The following OLFML2B variants were observed in gnomAD, a reference collection of about 807,000 sequenced individuals.
The protein encoded by OLFML2B is olfactomedin like 2B, also known as olfactomedin-like protein 2B.
In OLFML2B, 57 loss-of-function variants were observed where a neutral mutation model predicts 74.9. That is an observed-to-expected ratio of 0.76 (90% confidence interval 0.61 to 0.95). The LOEUF (loss-of-function observed/expected upper bound fraction) is 0.95. Among genes scored for constraint, OLFML2B ranks in the 40% least tolerant of loss-of-function variants. OLFML2B has a pLI of 0.00. For synonymous variants in OLFML2B, 388 were observed against 405.8 expected (o/e 0.96, Z 0.53); for missense variants, 986 against 970.6 (o/e 1.02, Z -0.21).
intron 2 of OLFML2B, 74 bp downstream of exon 2, chr1:162,019,845 A>G: frequency 6.4e-7 from 1 of 1,551,940 alleles, no homozygotes; most frequent in Non-Finnish European, 8.7e-7. Context: ...AGAATCTTCA[A>G]CCATGGCCTT....
In OLFML2B at chr1:161,997,945, C is replaced by T. The variant is rs1198428271; in HGVS notation, c.1354G>A (p.Val452Met). 1.9e-6 allele frequency: 3 copies of T among 1,614,222 alleles called. No homozygotes were observed. The highest frequency in any genetic ancestry group is 2.5e-6 in the Non-Finnish European group (3 of 1,180,042). The change falls in exon 6 of 8, where the codon GTG becomes ATG. Residue 452 changes from valine to methionine, a missense_variant. Transcript: ENST00000294794. ...TCTGTTCTGACTGTGGTGGGAGGCA[C>T]TGGGACTGTGTGCATAGCTTCCATC... ...ALMEAMHTVPVPPTTVRTDSL... is the reference protein window; with the variant it reads ...ALMEAMHTVPMPPTTVRTDSL...
chr1:162,005,689 C>G (rs1690203848), intron 4 of OLFML2B, among the ~76,000 whole-genome samples: 1 of 152,032 alleles, frequency 6.6e-6, no homozygotes, highest in Admixed American at 6.5e-5. Flanking sequence ...GCCAGGAGTT[C>G]CAGACCAGCC....
intron 1 of OLFML2B, among the ~76,000 whole-genome samples, chr1:162,022,123 A>G (rs1369920017): frequency 6.6e-6 from 1 of 152,010 alleles, no homozygotes; most frequent in African/African-American, 2.4e-5. Context: ...GACACCCACC[A>G]CACGTCATCA....
At chr1:161,999,436 A>C (rs1215758327) in intron 5 of OLFML2B, among the ~76,000 whole-genome samples, 3 of 152,202 alleles carry the variant, frequency 2.0e-5, no homozygotes, top group African/African-American at 7.2e-5. Flanking sequence ...GGTGGAGAAT[A>C]AACATGGTGG....
Position 162,023,414 on chromosome 1 carries a change from A to G in OLFML2B, c.17T>C (p.Leu6Pro). The change falls in exon 1 of 8, where the codon CTG becomes CCG. Residue 6 changes from leucine (L) to proline (P), a missense_variant. Leu to Pro is a moderately conservative substitution (Grantham distance 98, BLOSUM62 -3). Transcript: ENST00000294794. The part of the protein sequence containing the change: MAKPR[L>P]LVLYFALIVV... ...AATCAGAGCGAAGTAGAGAACTAGCAGCCGAGGCTTGGCCATGAGGGGCGC... is the reference window on the plus strand; with the variant it reads ...AATCAGAGCGAAGTAGAGAACTAGCGGCCGAGGCTTGGCCATGAGGGGCGC... 1.9e-6 allele frequency: 3 copies of G among 1,573,418 alleles called. No individual in the cohort carries two copies. Among genetic ancestry groups the G allele is most frequent in the Non-Finnish European group, 2.6e-6 (3 of 1,156,146 alleles).
intron 6 of OLFML2B, among the ~76,000 whole-genome samples, chr1:161,988,998 C>T (rs1689663625): frequency 6.6e-6 from 1 of 152,214 alleles, no homozygotes; most frequent in South Asian, 2.1e-4. Context: ...TTTCCCTTCA[C>T]CCACATTCCA....
chr1:162,022,526 G>A (rs1038973606), intron 1 of OLFML2B, among the ~76,000 whole-genome samples: 4 of 152,100 alleles, frequency 2.6e-5, no homozygotes, highest in Non-Finnish European at 5.9e-5. Flanking sequence ...TGGGATTACA[G>A]GCGTGAGCCA....
At chr1:162,011,685 C>T (rs777609026) in intron 3 of OLFML2B, among the ~76,000 whole-genome samples, 5 of 152,206 alleles carry the variant, frequency 3.3e-5, no homozygotes, top group Admixed American at 6.5e-5. Flanking sequence ...TGGACCAGGG[C>T]CTGGGAAACA....
intron 4 of OLFML2B, among the ~76,000 whole-genome samples, chr1:162,003,720 A>G (rs1334551428): frequency 6.6e-6 from 1 of 152,136 alleles, no homozygotes; most frequent in Non-Finnish European, 1.5e-5. Context: ...GGCAAGGACC[A>G]TCTTAGAGAG....
chr1:162,006,509 AC>A (rs1476772484), intron 3 of OLFML2B, 36 bp from the exon 4 acceptor site: 1 of 1,504,004 alleles, frequency 6.6e-7, no homozygotes, highest in Non-Finnish European at 8.9e-7. Flanking sequence ...CCATTAAAGC[AC>A]CCTGAAGACA....
intron 3 of OLFML2B, among the ~76,000 whole-genome samples, 166 bp downstream of exon 3, chr1:162,017,234 A>G (rs1424954582): frequency 6.6e-6 from 1 of 152,260 alleles, no homozygotes; most frequent in East Asian, 1.9e-4. Context: ...GTCACCAACA[A>G]TTTGGCATAA....
chr1:162,015,688 G>A (rs1362787110), intron 3 of OLFML2B, among the ~76,000 whole-genome samples: 1 of 152,182 alleles, frequency 6.6e-6, no homozygotes, highest in Non-Finnish European at 1.5e-5. Flanking sequence ...TAACTAGGAG[G>A]AAGAGTCCGA....
At chr1:162,011,319 A>G (rs1271835799) in intron 3 of OLFML2B, among the ~76,000 whole-genome samples, 1 of 152,116 alleles carries the variant, frequency 6.6e-6, no homozygotes. Flanking sequence ...ATAGTTTCTC[A>G]TGGGAGTGAC....
intron 2 of OLFML2B, 67 bp downstream of exon 2, chr1:162,019,852 C>A: frequency 1.9e-6 from 3 of 1,566,768 alleles, no homozygotes; most frequent in Non-Finnish European, 2.6e-6. Context: ...TCAACCATGG[C>A]CTTACCAGAC....
At position 161,983,973 on chromosome 1, in the gene OLFML2B, T is replaced by C. The variant is rs141191222; in HGVS notation, c.1955A>G (p.Asn652Ser). The change falls in exon 8 of 8, where the codon AAT becomes AGT. Residue 652 changes from asparagine to serine, a missense_variant. Coordinates refer to ENST00000294794, the MANE Select transcript of OLFML2B (RefSeq NM_015441.3). ...CTTCTGTGTGCTCAGGTCCGCGGCA[T>C]TGAGCTTGCTCAGGACAATGACCTC... ...SQEVIVLSKL[N>S]AADLSTQKET... is the part of the protein sequence containing the mutation. The C allele has an allele frequency of 8.2e-5, 132 of 1,614,096 alleles. No individual in the cohort carries two copies. Among genetic ancestry groups the C allele is most frequent in the Middle Eastern group, 1.6e-4 (1 of 6,084 alleles).
chr1:161,985,202 C>A, intron 6 of OLFML2B: 1 of 473,306 alleles, frequency 2.1e-6, no homozygotes, highest in Non-Finnish European at 3.8e-6. Flanking sequence ...TCTTTGGCAA[C>A]TTTCACACCA....
intron 3 of OLFML2B, among the ~76,000 whole-genome samples, chr1:162,009,968 G>T (rs1025974507): frequency 1.3e-5 from 2 of 152,228 alleles, no homozygotes; most frequent in African/African-American, 4.8e-5. Flanking sequence ...CTTCCCCCTG[G>T]GACAGCTGCA....
chr1:162,017,648 T>C (rs925058201), intron 2 of OLFML2B, 141 bp from the exon 3 acceptor site: 13 of 606,724 alleles, frequency 2.1e-5, no homozygotes, highest in Non-Finnish European at 3.4e-5. Flanking sequence ...AACACATTTG[T>C]GTAGACAGGG....
chr1:162,002,173 G>A (rs1307309087), intron 4 of OLFML2B, among the ~76,000 whole-genome samples: 1 of 152,232 alleles, frequency 6.6e-6, no homozygotes, highest in Non-Finnish European at 1.5e-5. Flanking sequence ...CACCCCACAG[G>A]TGGGTCCAGC....
Sources: gnomAD v4.1 joint callset for allele counts (sites outside exome capture counted in the v4.1 genomes callset) on GRCh38, gnomAD v4.1.1 for gene constraint, MANE v1.5 for transcripts, NCBI Gene and HGNC (gene_info 2026-07-23, HGNC 2026-07-21) for gene names.